GRM8: variants seen among roughly 807,000 people sequenced by gnomAD.
GRM8 encodes the protein glutamate metabotropic receptor 8, also known as metabotropic glutamate receptor 8.
GRM8 carries 47 observed loss-of-function variants against 87.2 expected under a neutral mutation model. The observed-to-expected ratio is 0.54, with a 90% CI of 0.43 to 0.69. GRM8 has a LOEUF of 0.69. Among genes scored for constraint, GRM8 ranks in the 30% least tolerant of loss-of-function variants. The pLI is 0.00. For missense variants in GRM8, 1,019 were observed against 1,139.2 expected, an observed-to-expected ratio of 0.89 and a Z score of 1.52; for synonymous variants, 396 against 404.5, an observed-to-expected ratio of 0.98 and a Z score of 0.25.
At chr7:126,716,345 G>A (rs886920569) in intron 7 of GRM8, among the ~76,000 whole-genome samples, 6 of 151,292 alleles carry the variant, frequency 4.0e-5, no homozygotes, top group African/African-American at 1.5e-4. Flanking sequence ...TTGTGAAGCA[G>A]TTAGCCAGAG....
At chr7:126,668,998 T>A (rs1434621558) in intron 7 of GRM8, among the ~76,000 whole-genome samples, 1 of 152,186 alleles carries the variant, frequency 6.6e-6, no homozygotes, top group East Asian at 1.9e-4. Flanking sequence ...TAAAAAAGAA[T>A]GACATCATGT....
intron 3 of GRM8, among the ~76,000 whole-genome samples, chr7:127,020,722 A>T (rs1410638068): frequency 6.6e-6 from 1 of 152,092 alleles, no homozygotes; most frequent in African/African-American, 2.4e-5. Flanking sequence ...TAAGAAGGTG[A>T]GGGGAAGAAC....
At chr7:126,806,172 A>G (rs1792675894) in intron 6 of GRM8, among the ~76,000 whole-genome samples, 1 of 152,092 alleles carries the variant, frequency 6.6e-6, no homozygotes, top group Admixed American at 6.5e-5. Flanking sequence ...ATGTGTCCAG[A>G]GTTTATTCCT....
chr7:126,957,172 G>A (rs1808785389), intron 3 of GRM8, among the ~76,000 whole-genome samples: 1 of 152,036 alleles, frequency 6.6e-6, no homozygotes, highest in South Asian at 2.1e-4. Flanking sequence ...AGGTAAGGAA[G>A]ATCTCAATCA....
At chr7:127,212,322 G>C (rs1563581918) in intron 2 of GRM8, among the ~76,000 whole-genome samples, 1 of 151,842 alleles carries the variant, frequency 6.6e-6, no homozygotes, top group Non-Finnish European at 1.5e-5. Flanking sequence ...GGAAGTCTGA[G>C]GTTATTTGGG....
intron 7 of GRM8, among the ~76,000 whole-genome samples, chr7:126,673,956 G>C (rs1363863941): frequency 1.3e-5 from 2 of 152,118 alleles, no homozygotes; most frequent in East Asian, 1.9e-4. Flanking sequence ...ACACTGACTT[G>C]AGAACTTAAA....
chr7:127,163,712 C>G (rs765955458), intron 2 of GRM8, among the ~76,000 whole-genome samples: 2 of 151,972 alleles, frequency 1.3e-5, no homozygotes, highest in East Asian at 3.9e-4. Context: ...ATTTGATAAC[C>G]GTCAAAGCTA....
At chr7:126,859,782 A>G (rs1333520150) in intron 6 of GRM8, among the ~76,000 whole-genome samples, 1 of 152,190 alleles carries the variant, frequency 6.6e-6, no homozygotes, top group Non-Finnish European at 1.5e-5. Context: ...CTATGTGAAC[A>G]AGATTCCACT....
chr7:127,025,394 T>C (rs1816683485), intron 3 of GRM8, among the ~76,000 whole-genome samples: 2 of 152,096 alleles, frequency 1.3e-5, no homozygotes, highest in African/African-American at 2.4e-5. Flanking sequence ...GAAGAGACTC[T>C]TTATTTTCTA....
intron 7 of GRM8, among the ~76,000 whole-genome samples, chr7:126,618,770 A>G (rs931775801): frequency 1.3e-5 from 2 of 152,248 alleles, no homozygotes; most frequent in African/African-American, 2.4e-5. Context: ...GACACATGAA[A>G]AAATGCTCAT....
intron 9 of GRM8, among the ~76,000 whole-genome samples, chr7:126,484,344 A>C (rs1356437600): frequency 6.6e-6 from 1 of 152,058 alleles, no homozygotes; most frequent in Non-Finnish European, 1.5e-5. Flanking sequence ...ATGACTAAGG[A>C]AATAGCTGAA....
chr7:127,181,927 G>A (rs749710321), intron 2 of GRM8, among the ~76,000 whole-genome samples: 19 of 152,056 alleles, frequency 1.2e-4, no homozygotes, highest in Non-Finnish European at 2.5e-4. Context: ...TCTAGACATT[G>A]GCTTAGGCAA....
chr7:126,958,044 C>T (rs950230654), intron 3 of GRM8, among the ~76,000 whole-genome samples: 25 of 152,164 alleles, frequency 1.6e-4, no homozygotes, highest in African/African-American at 5.8e-4. Flanking sequence ...CAGGAAGGAG[C>T]CACCTACTTG....
rs141466856 is a variant in GRM8 at position 126,931,735 on chromosome 7, G to C, written c.728-27052C>G. ...AAAACACAGTCTCCTGCAACAATGT[G>C]AGTTACTAATGAGTCCACTGCTTCC... On this transcript the variant is annotated intron_variant, in intron 3 of 10. Transcript: ENST00000339582. Among the ~76,000 whole-genome samples, 199 of 152,302 alleles carry C rather than the reference G, an allele frequency of 1.3e-3. 1 individual carries two copies. The highest frequency in any genetic ancestry group is 4.7e-3 in the African/African-American group (196 of 41,580).
chr7:126,747,323 C>T (rs1284228696), intron 7 of GRM8, among the ~76,000 whole-genome samples: 1 of 151,960 alleles, frequency 6.6e-6, no homozygotes, highest in East Asian at 1.9e-4. Flanking sequence ...GATTTTCAGG[C>T]ATTTAAAGGT....
At chr7:127,005,118 ACTT>A (rs1814148691) in intron 3 of GRM8, among the ~76,000 whole-genome samples, 1 of 108,000 alleles carries the variant, frequency 9.3e-6, no homozygotes, top group African/African-American at 5.3e-5. Context: ...ACTGCTAGGA[ACTT>A]TTTTTTTTTT....
At chr7:126,883,257 T>C (rs1397986603) in intron 6 of GRM8, among the ~76,000 whole-genome samples, 2 of 152,212 alleles carry the variant, frequency 1.3e-5, no homozygotes, top group Non-Finnish European at 2.9e-5. Flanking sequence ...ACACCCTGAA[T>C]TTACAAGAGA....
intron 6 of GRM8, among the ~76,000 whole-genome samples, chr7:126,887,496 A>G (rs1800608067): frequency 1.3e-5 from 2 of 152,148 alleles, no homozygotes; most frequent in East Asian, 3.9e-4. Flanking sequence ...GGAGATATTG[A>G]GAACAGCAAT....
At chr7:126,627,813 A>G (rs1800848736) in intron 7 of GRM8, among the ~76,000 whole-genome samples, 2 of 152,170 alleles carry the variant, frequency 1.3e-5, no homozygotes, top group South Asian at 2.1e-4. Context: ...TTATATTTCT[A>G]TATTTCTAAA....
Sources: gnomAD v4.1 joint callset for allele counts (sites outside exome capture counted in the v4.1 genomes callset) on GRCh38, gnomAD v4.1.1 for gene constraint, MANE v1.5 for transcripts, NCBI Gene and HGNC (gene_info 2026-07-23, HGNC 2026-07-21) for gene names.